A2M: variants seen among roughly 807,000 people sequenced by gnomAD.
The protein encoded by A2M is C3 and PZP-like alpha-2-macroglobulin domain-containing protein 5.
In A2M, 128 loss-of-function variants were observed where a neutral mutation model predicts 183.9. That is an observed-to-expected ratio of 0.70 (90% confidence interval 0.60 to 0.81). The LOEUF (loss-of-function observed/expected upper bound fraction) is 0.81, where lower values mean the gene tolerates loss of function less well. Among genes scored for constraint, A2M ranks in the 30% least tolerant of loss-of-function variants. The probability of loss-of-function intolerance (pLI) is 0.00; values close to 1 mark genes in which losing one functional copy is unlikely to be tolerated. For synonymous variants in A2M, 592 were observed against 670.8 expected (o/e 0.88, Z 1.81); for missense variants, 1,495 against 1,787.6 (o/e 0.84, Z 2.95).
At position 9,091,425 on chromosome 12, in the gene A2M, C is replaced by T. The variant is rs1478396272; in HGVS notation, c.2245G>A (p.Ala749Thr). 1.2e-6 allele frequency: 2 copies of T among 1,608,098 alleles called. No individual in the cohort carries two copies. The highest frequency in any genetic ancestry group is 2.7e-5 in the African/African-American group (2 of 74,848). Residue 749 changes from alanine (A) to threonine (T), a missense_variant, in exon 19 of 36, where the codon GCA becomes ACA. Ala to Thr is a moderately conservative substitution (Grantham distance 58). Transcript: ENST00000318602. ...WIWDLVVVNSAGVAEVGVTVP... is the reference protein window; with the variant it reads ...WIWDLVVVNSTGVAEVGVTVP... ...GTTACTCCTACCTCAGCCACACCTG[C>T]TGAGCTGGAGAGGAGTGTAAGTGAA...
At position 9,076,756 on chromosome 12, in the gene A2M, CT is replaced by C; in HGVS notation, c.3531del (p.Asp1178ThrfsTer31). 6.2e-7 allele frequency: 1 copy of C among 1,613,900 alleles called. No homozygotes were observed. Among genetic ancestry groups the C allele is most frequent in the Non-Finnish European group, 8.5e-7 (1 of 1,179,844 alleles). The part of the protein sequence containing the change: ...LKSLNEEAVK[K>X]DNSVHWERPQ... The stretch of plus-strand genomic sequence containing the variant: ...AGAAGGATCTCAGGTGTGCTCTCAC[CT>C]TTCTTCACAGCTTCCTCATTAAGTG... On this transcript the variant is annotated frameshift_variant and splice_region_variant, in exon 28 of 36. Transcript: ENST00000318602. LOFTEE classifies it high-confidence loss of function.
At chr12:9,113,184 G>A (rs1053135007) in intron 2 of A2M, among the ~76,000 whole-genome samples, 176 bp downstream of exon 2, 1 of 142,572 alleles carries the variant, frequency 7.0e-6, no homozygotes, top group Non-Finnish European at 1.5e-5. Flanking sequence ...GTAAATATTT[G>A]TCTCCCATGG....
chr12:9,068,719 G>T, intron 34 of A2M, 21 bp downstream of exon 34: 1 of 1,540,512 alleles, frequency 6.5e-7, no homozygotes. Context: ...ATATTTCTAC[G>T]TGAAAATCAC....
intron 29 of A2M, among the ~76,000 whole-genome samples, chr12:9,074,104 AAAAG>A (rs968793364): frequency 7.6e-5 from 10 of 131,970 alleles, no homozygotes; most frequent in Non-Finnish European, 1.2e-4. Flanking sequence ...AAAAAAAAAA[AAAAG>A]GTGAATAGGG....
At chr12:9,077,583 A>G (rs1948784098) in intron 26 of A2M, 118 bp downstream of exon 26, 1 of 1,515,604 alleles carries the variant, frequency 6.6e-7, no homozygotes, top group African/African-American at 1.4e-5. Flanking sequence ...TTTTGGTGCC[A>G]TCCAGGTTTT....
intron 15 of A2M, 193 bp downstream of exon 15, chr12:9,098,414 C>A: frequency 3.1e-6 from 1 of 326,054 alleles, no homozygotes; most frequent in Non-Finnish European, 5.1e-6. Context: ...ATTTTTTTAA[C>A]TGCAGAAGTG....
chr12:9,098,877 G>A (rs1018231834), intron 14 of A2M, 121 bp from the exon 15 acceptor site: 19 of 1,101,188 alleles, frequency 1.7e-5, no homozygotes, highest in Non-Finnish European at 2.1e-5. Context: ...TTCGTGGAGG[G>A]TTGGCATTGT....
Position 9,089,121 on chromosome 12 carries a change from T to C in A2M, c.2770+79A>G, listed in dbSNP as rs186413965. The C allele has an allele frequency of 2.9e-4, 322 of 1,124,310 alleles. 2 individuals carry two copies. In the East Asian group the frequency reaches 6.7e-3, roughly 23 times the overall value. 69.6% of individuals were successfully genotyped at this position (1,124,310 alleles called of 1,614,324 possible). A position where few individuals can be genotyped will look rare whatever the true frequency, so the allele number is the denominator to read the frequency against. ...CAGGTCTTAGATCACAGAGAAAGTG[T>C]AGGAATAATATATAAATGTTCTTTG... On this transcript the variant is annotated intron_variant, in intron 22 of 35. Coordinates refer to ENST00000318602, the MANE Select transcript of A2M (RefSeq NM_000014.6).
rs779440416 is a variant in A2M, at chr12:9,091,184, A to C, written c.2469+17T>G. 1.0e-5 allele frequency: 16 copies of C among 1,607,490 alleles called. No homozygotes were observed. Among genetic ancestry groups the C allele is most frequent in the Middle Eastern group, 1.6e-4 (1 of 6,072 alleles). On this transcript the variant is annotated intron_variant, in intron 19 of 35. Coordinates refer to ENST00000318602, the MANE Select transcript of A2M (RefSeq NM_000014.6). ...TTGATGGCTACCTTGTATTTAATTT[A>C]GGAAAGAGATCCTTACCCGGATGCA...
chr12:9,068,193 A>G lies in A2M; in HGVS notation c.4398T>C (p.Pro1466=). Reference sequence around the variant, plus strand: ...GTGTGAGTGGCTTACCTTTGCTGCAAGGAGCATTGTACTCAGCAATTGCAA... The same window carrying G: ...GTGTGAGTGGCTTACCTTTGCTGCAGGGAGCATTGTACTCAGCAATTGCAA... ...DEFAIAEYNA[P]CSKDLGNA The change falls in exon 35 of 36, where the codon CCT becomes CCC. Residue 1466 remains proline (P), a synonymous_variant. Transcript: ENST00000318602. 1.2e-6 allele frequency: 2 copies of G among 1,612,566 alleles called. No homozygotes were observed. Among genetic ancestry groups the G allele is most frequent in the Admixed American group, 1.7e-5 (1 of 59,996 alleles).
chr12:9,088,897 C>A (rs901418861), intron 22 of A2M, among the ~76,000 whole-genome samples: 3 of 152,042 alleles, frequency 2.0e-5, no homozygotes, highest in African/African-American at 7.2e-5. Context: ...AGGAAACATC[C>A]CTTTTGGTAA....
rs1182697197 is a variant in A2M at position 9,109,975 on chromosome 12, G to C, written c.565C>G (p.Gln189Glu). Residue 189 changes from glutamine (Q) to glutamate (E), a missense_variant, in exon 6 of 36, where the codon CAA (glutamine) becomes GAA (glutamate). By Grantham distance (29) the Gln-to-Glu change is conservative. Coordinates refer to ENST00000318602, the MANE Select transcript of A2M (RefSeq NM_000014.6). ...QSFQLEGGLK[Q>E]FSFPLSSEPF... ...TCTGATGAGAGGGGAAAAGAAAATT[G>C]CTTGAGGCCACCCTCTAACTGGAAA... 1 of 1,613,750 alleles carries C rather than the reference G, an allele frequency of 6.2e-7. No homozygotes were observed. The highest frequency in any genetic ancestry group is 1.3e-5 in the African/African-American group (1 of 75,044).
chr12:9,078,105 C>G (rs1565581435), intron 25 of A2M, among the ~76,000 whole-genome samples: 2 of 152,238 alleles, frequency 1.3e-5, no homozygotes, highest in East Asian at 3.9e-4. Flanking sequence ...GATACATGTG[C>G]AGAACGTGCA....
chr12:9,070,584 G>T lies in A2M; in HGVS notation c.4104-6C>A. On this transcript the variant is annotated splice_polypyrimidine_tract_variant and splice_region_variant and intron_variant, in intron 31 of 35. Coordinates refer to ENST00000318602, the MANE Select transcript of A2M (RefSeq NM_000014.6). ...CAGAGCGGCTCCCTGTGTAACTGAGGATCCAGGGGAGGAAAGGATTAGGGT... is the reference window on the plus strand; with the variant it reads ...CAGAGCGGCTCCCTGTGTAACTGAGTATCCAGGGGAGGAAAGGATTAGGGT... 6.2e-7 allele frequency: 1 copy of T among 1,603,398 alleles called. No individual in the cohort carries two copies. The highest frequency in any genetic ancestry group is 8.5e-7 in the Non-Finnish European group (1 of 1,171,690).
In A2M at chr12:9,074,592, G is replaced by A; in HGVS notation, c.3724C>T (p.Gln1242Ter). The A allele has an allele frequency of 6.2e-7, 1 of 1,613,220 alleles. No individual in the cohort carries two copies. The highest frequency in any genetic ancestry group is 8.5e-7 in the Non-Finnish European group (1 of 1,179,668). The stretch of plus-strand genomic sequence containing the variant: ...GAGGAGAAACCGCCCTGGGCATTCT[G>A]CTGCTTCGTGATCCACTTCACGATG... ...TNIVKWITKQ[Q>*]NAQGGFSSTQ... The change falls in exon 29 of 36, where the codon CAG becomes TAG. Residue 1242 changes from glutamine (Q) to a stop codon, truncating the protein, a stop_gained. Transcript: ENST00000318602. LOFTEE classifies it high-confidence loss of function.
intron 22 of A2M, among the ~76,000 whole-genome samples, chr12:9,083,764 AAAG>A (rs893051764): frequency 6.6e-5 from 10 of 152,086 alleles, no homozygotes; most frequent in African/African-American, 2.4e-4. Context: ...GAAAAAAAAA[AAAG>A]CAGTAAGGGC....
intron 15 of A2M, among the ~76,000 whole-genome samples, chr12:9,096,654 C>T (rs1449371961): frequency 2.6e-5 from 4 of 152,144 alleles, no homozygotes; most frequent in Non-Finnish European, 4.4e-5. Context: ...AGTTACATTG[C>T]ATTATATTCG....
rs114155623 is a variant in A2M at position 9,090,420 on chromosome 12, C to T, written c.2532G>A (p.Ala844=). 2.1e-3 allele frequency: 3,395 copies of T among 1,613,994 alleles called. 47 individuals are homozygous for T. The African/African-American group carries it at 0.034, about 16-fold the overall frequency. ...GCCCGTTTGCACAGATGCAGTGAGGCGCTTGTTCCTTCTCCACTGGGACAG... is the reference window on the plus strand; with the variant it reads ...GCCCGTTTGCACAGATGCAGTGAGGTGCTTGTTCCTTCTCCACTGGGACAG... ...FLAVPVEKEQ[A]PHCICANGRQ... Residue 844 remains alanine, a synonymous_variant, in exon 20 of 36, where the codon GCG becomes GCA. Transcript: ENST00000318602.
At chr12:9,075,981 A>T (rs149557741) in intron 28 of A2M, among the ~76,000 whole-genome samples, 1 of 152,326 alleles carries the variant, frequency 6.6e-6, no homozygotes, top group East Asian at 1.9e-4. Flanking sequence ...AAAAAGGTAG[A>T]CTGTTTTAAT....
Sources: allele counts gnomAD v4.1 joint callset (sites outside exome capture counted in the v4.1 genomes callset), GRCh38; gene constraint gnomAD v4.1.1; transcripts MANE v1.5; gene names NCBI Gene and HGNC (gene_info 2026-07-23, HGNC 2026-07-21).